Variants in ST6GAL1 observed in about 807,000 individuals in gnomAD.
ST6GAL1 encodes the protein ST6 beta-galactoside alpha-2,6-sialyltransferase 1, also known as beta-galactoside alpha-2,6-sialyltransferase 1.
In ST6GAL1, 20 loss-of-function variants were observed where a neutral mutation model predicts 38.0. The ratio of observed to expected loss-of-function variants is 0.53; its 90% CI spans 0.37 to 0.77. The LOEUF is 0.77. Ranked by LOEUF, ST6GAL1 falls within the 30% of genes least tolerant of loss-of-function variation. The pLI is 0.00. For synonymous variants in ST6GAL1, 196 were observed against 188.2 expected, an observed-to-expected ratio of 1.04 and a Z score of -0.34; for missense variants, 432 against 496.4, an observed-to-expected ratio of 0.87 and a Z score of 1.23.
At chr3:187,014,998 A>G (rs1292811146) in intron 2 of ST6GAL1, among the ~76,000 whole-genome samples, 1 of 152,256 alleles carries the variant, frequency 6.6e-6, no homozygotes, top group Admixed American at 6.5e-5. Flanking sequence ...TTCCACGAAT[A>G]AAAGGCAGTA....
intron 2 of ST6GAL1, among the ~76,000 whole-genome samples, chr3:187,022,234 C>T (rs997725246): frequency 2.6e-5 from 4 of 151,990 alleles, no homozygotes; most frequent in Non-Finnish European, 4.4e-5. Flanking sequence ...AAGCTGGTGT[C>T]GCTGCTTGGT....
intron 2 of ST6GAL1, among the ~76,000 whole-genome samples, chr3:186,974,412 G>A (rs1001985241): frequency 1.3e-5 from 2 of 152,058 alleles, no homozygotes; most frequent in Non-Finnish European, 2.9e-5. Context: ...GCCGAACAGT[G>A]AGCCACCATG....
At chr3:186,981,222 C>A (rs1273155023) in intron 2 of ST6GAL1, among the ~76,000 whole-genome samples, 1 of 152,184 alleles carries the variant, frequency 6.6e-6, no homozygotes, top group East Asian at 1.9e-4. Context: ...GGACAGTGAG[C>A]TTTTGTAGGC....
intron 2 of ST6GAL1, among the ~76,000 whole-genome samples, chr3:186,975,255 C>G (rs2108534213): frequency 6.6e-6 from 1 of 152,246 alleles, no homozygotes. Flanking sequence ...GACTGAGAGG[C>G]ATTTGCACTT....
At chr3:187,062,110 A>C (rs1044616846) in intron 5 of ST6GAL1, among the ~76,000 whole-genome samples, 1 of 152,216 alleles carries the variant, frequency 6.6e-6, no homozygotes, top group Admixed American at 6.5e-5. Context: ...TAGTAAGCAC[A>C]TGAAAAGAGA....
chr3:187,065,815 A>C (rs1205131547), intron 5 of ST6GAL1, among the ~76,000 whole-genome samples: 2 of 152,308 alleles, frequency 1.3e-5, no homozygotes, highest in Admixed American at 6.5e-5. Flanking sequence ...AATATATTAT[A>C]TATACCATCT....
At chr3:187,024,238 T>C (rs1717435504) in intron 2 of ST6GAL1, among the ~76,000 whole-genome samples, 3 of 151,540 alleles carry the variant, frequency 2.0e-5, no homozygotes, top group East Asian at 1.9e-4. Context: ...GGACTACAGG[T>C]GCATGCCTCC....
intron 2 of ST6GAL1, among the ~76,000 whole-genome samples, chr3:187,008,917 T>C (rs907907800): frequency 6.6e-6 from 1 of 152,192 alleles, no homozygotes; most frequent in African/African-American, 2.4e-5. Context: ...TATTCCTTTT[T>C]GTTGGGATTT....
intron 2 of ST6GAL1, among the ~76,000 whole-genome samples, chr3:186,981,785 A>C (rs1715706543): frequency 6.6e-6 from 1 of 152,228 alleles, no homozygotes; most frequent in South Asian, 2.1e-4. Context: ...GACAAAACTC[A>C]GCAGAAGCTT....
chr3:187,053,326 G>T (rs899695046), intron 5 of ST6GAL1, among the ~76,000 whole-genome samples: 1 of 152,232 alleles, frequency 6.6e-6, no homozygotes, highest in Admixed American at 6.5e-5. Flanking sequence ...GTCTATTTTG[G>T]CTTTTGTTGC....
intron 7 of ST6GAL1, among the ~76,000 whole-genome samples, chr3:187,074,667 G>T: frequency 6.6e-6 from 1 of 151,866 alleles, no homozygotes; most frequent in Non-Finnish European, 1.5e-5. Context: ...AGTAGTGTTC[G>T]GTAGGCTTTG....
At chr3:186,957,787 G>A (rs985164137) in intron 1 of ST6GAL1, among the ~76,000 whole-genome samples, 1 of 152,140 alleles carries the variant, frequency 6.6e-6, no homozygotes, top group African/African-American at 2.4e-5. Context: ...TAAATTCTGA[G>A]AGGCTAGTAT....
At chr3:187,031,624 G>A (rs758282676) in intron 2 of ST6GAL1, among the ~76,000 whole-genome samples, 1 of 151,970 alleles carries the variant, frequency 6.6e-6, no homozygotes, top group Non-Finnish European at 1.5e-5. Context: ...TAGTAGAGAC[G>A]GGTTTTCACC....
At chr3:186,938,437 C>T (rs552208725) in intron 1 of ST6GAL1, among the ~76,000 whole-genome samples, 60 of 152,234 alleles carry the variant, frequency 3.9e-4, no homozygotes, top group African/African-American at 1.4e-3. Context: ...TAGATGAAAT[C>T]GTGGGTGAAA....
At chr3:187,063,496 A>T (rs1163267801) in intron 5 of ST6GAL1, among the ~76,000 whole-genome samples, 1 of 152,224 alleles carries the variant, frequency 6.6e-6, no homozygotes, top group East Asian at 1.9e-4. Context: ...ATGCTGGGCT[A>T]CTTTGAGGTT....
At chr3:187,016,435 A>T (rs1351366573) in intron 2 of ST6GAL1, among the ~76,000 whole-genome samples, 1 of 152,162 alleles carries the variant, frequency 6.6e-6, no homozygotes, top group East Asian at 1.9e-4. Flanking sequence ...GTGGAAGTCG[A>T]CACTGGTGGA....
At chr3:187,021,026 G>T (rs1039998495) in intron 2 of ST6GAL1, among the ~76,000 whole-genome samples, 15 of 151,414 alleles carry the variant, frequency 9.9e-5, no homozygotes, top group Non-Finnish European at 1.9e-4. Flanking sequence ...GTGCAATGGC[G>T]TGATCTCTGC....
At chr3:186,980,279 A>G (rs1458200826) in intron 2 of ST6GAL1, among the ~76,000 whole-genome samples, 1 of 152,144 alleles carries the variant, frequency 6.6e-6, no homozygotes, top group Non-Finnish European at 1.5e-5. Flanking sequence ...GGCACCCTGG[A>G]TGATACTAGG....
chr3:187,034,427 C>T (rs1356365799), intron 2 of ST6GAL1, among the ~76,000 whole-genome samples: 1 of 152,114 alleles, frequency 6.6e-6, no homozygotes, highest in Non-Finnish European at 1.5e-5. Flanking sequence ...TACCCTGATA[C>T]CAAAACCTGG....
Sources: allele counts gnomAD v4.1 joint callset (sites outside exome capture counted in the v4.1 genomes callset), GRCh38; gene constraint gnomAD v4.1.1; transcripts MANE v1.5; gene names NCBI Gene and HGNC (gene_info 2026-07-23, HGNC 2026-07-21).